The following GAB1 variants were observed in gnomAD, a reference collection of about 807,000 sequenced individuals.
GAB1 encodes the protein GRB2 associated binding protein 1, also known as GRB2-associated-binding protein 1.
GAB1 carries 19 observed loss-of-function variants against 66.5 expected under a neutral mutation model. The observed-to-expected ratio is 0.29, with a 90% CI of 0.20 to 0.42. The LOEUF (loss-of-function observed/expected upper bound fraction) is 0.42, where lower values mean the gene tolerates loss of function less well. Ranked by LOEUF, GAB1 falls within the 10% of genes least tolerant of loss-of-function variation. The pLI, the probability that GAB1 is intolerant of heterozygous loss-of-function variation, is 1.00. For missense variants in GAB1, 732 were observed against 858.5 expected (o/e 0.85, Z 1.84); for synonymous variants, 294 against 301.4 (o/e 0.98, Z 0.25).
intron 1 of GAB1, among the ~76,000 whole-genome samples, chr4:143,387,133 GT>G (rs1461496614): frequency 6.7e-6 from 1 of 149,938 alleles, no homozygotes; most frequent in African/African-American, 2.5e-5. Context: ...TGTTGTTGTT[GT>G]TTGTTTGTTT....
chr4:143,432,526 T>C (rs1278733958), intron 2 of GAB1, among the ~76,000 whole-genome samples: 2 of 152,182 alleles, frequency 1.3e-5, no homozygotes, highest in African/African-American at 4.8e-5. Flanking sequence ...TTCTAACAGA[T>C]TGAATACAAG....
At chr4:143,363,899 GA>G (rs1560719895) in intron 1 of GAB1, among the ~76,000 whole-genome samples, 2 of 152,026 alleles carry the variant, frequency 1.3e-5, no homozygotes, top group Non-Finnish European at 2.9e-5. Context: ...ATCATCCCTC[GA>G]GAATGACTTA....
At chr4:143,448,463 T>A (rs1289652427) in intron 6 of GAB1, among the ~76,000 whole-genome samples, 3 of 151,932 alleles carry the variant, frequency 2.0e-5, no homozygotes, top group Non-Finnish European at 4.4e-5. Flanking sequence ...TTGCCACAAT[T>A]TCAGATTCTG....
intron 1 of GAB1, among the ~76,000 whole-genome samples, chr4:143,377,959 G>A (rs1488597444): frequency 2.0e-5 from 3 of 152,262 alleles, no homozygotes; most frequent in East Asian, 1.9e-4. Flanking sequence ...GGAACAGAAC[G>A]TCCCATAGAA....
chr4:143,355,557 C>G (rs1729412415), intron 1 of GAB1, among the ~76,000 whole-genome samples: 1 of 152,180 alleles, frequency 6.6e-6, no homozygotes, highest in African/African-American at 2.4e-5. Context: ...ACCGTTCAAT[C>G]TCAGTAGCAT....
chr4:143,386,723 G>A (rs1232471403), intron 1 of GAB1, among the ~76,000 whole-genome samples: 1 of 152,238 alleles, frequency 6.6e-6, no homozygotes, highest in East Asian at 1.9e-4. Flanking sequence ...TTTTGTATAT[G>A]AAACAAATTT....
chr4:143,444,782 G>A (rs565572143), intron 6 of GAB1, among the ~76,000 whole-genome samples: 5 of 152,050 alleles, frequency 3.3e-5, no homozygotes, highest in South Asian at 4.2e-4. Context: ...CCCCTCTCTG[G>A]TAGTACCCAG....
chr4:143,374,441 A>C (rs2149670421), intron 1 of GAB1, among the ~76,000 whole-genome samples: 1 of 152,346 alleles, frequency 6.6e-6, no homozygotes, highest in Admixed American at 6.5e-5. Context: ...CATCTGGTGC[A>C]CACTATTGTG....
At chr4:143,446,691 T>C (rs528045068) in intron 6 of GAB1, among the ~76,000 whole-genome samples, 2 of 152,214 alleles carry the variant, frequency 1.3e-5, no homozygotes, top group African/African-American at 4.8e-5. Flanking sequence ...ATTCTGGATA[T>C]TAGCCCTTTG....
At chr4:143,394,721 CTT>C (rs1411596267) in intron 1 of GAB1, 4 of 151,944 alleles carry the variant, frequency 2.6e-5, no homozygotes, top group Non-Finnish European at 4.4e-5. Context: ...AAAGGACAAA[CTT>C]AATTATTTAC....
chr4:143,379,147 A>G (rs752457502), intron 1 of GAB1, among the ~76,000 whole-genome samples: 9 of 152,200 alleles, frequency 5.9e-5, no homozygotes, highest in Non-Finnish European at 1.2e-4. Flanking sequence ...TCAGAGTTAT[A>G]TATGTAACAG....
chr4:143,455,960 T>A (rs1380674089), intron 6 of GAB1, among the ~76,000 whole-genome samples: 1 of 152,152 alleles, frequency 6.6e-6, no homozygotes, highest in Admixed American at 6.5e-5. Flanking sequence ...CTAGAGGAAG[T>A]CTCAACTCTG....
At chr4:143,432,732 C>T (rs1163054190) in intron 2 of GAB1, among the ~76,000 whole-genome samples, 1 of 152,134 alleles carries the variant, frequency 6.6e-6, no homozygotes, top group Non-Finnish European at 1.5e-5. Flanking sequence ...GTGACTACAG[C>T]GGGATTTTAT....
chr4:143,403,293 A>G (rs919610681), intron 1 of GAB1, among the ~76,000 whole-genome samples: 5 of 152,172 alleles, frequency 3.3e-5, no homozygotes, highest in African/African-American at 1.2e-4. Flanking sequence ...CCTTGTCCTC[A>G]AGCATTAAAT....
intron 1 of GAB1, among the ~76,000 whole-genome samples, chr4:143,348,458 T>C (rs1729058637): frequency 6.6e-6 from 1 of 152,226 alleles, no homozygotes; most frequent in Non-Finnish European, 1.5e-5. Flanking sequence ...TCTCTCTCTC[T>C]CATTCTCCAC....
chr4:143,380,623 G>A (rs567368578), intron 1 of GAB1: 3 of 152,262 alleles, frequency 2.0e-5, no homozygotes, highest in Admixed American at 2.0e-4. Context: ...GTCTCACTGT[G>A]TTGCCCAGAT....
chr4:143,337,224 C>A lies in GAB1; in HGVS notation c.36C>A (p.Leu12=). 1 of 1,586,326 alleles carries A rather than the reference C, an allele frequency of 6.3e-7. No individual in the cohort carries two copies. Among genetic ancestry groups the A allele is most frequent in the East Asian group, 2.3e-5 (1 of 44,058 alleles). The change falls in exon 1 of 10, where the codon CTC becomes CTA. Residue 12 remains leucine, a synonymous_variant. Coordinates refer to ENST00000262994, the MANE Select transcript of GAB1 (RefSeq NM_002039.4). ...GTGAAGTGGTCTGCTCCGGATGGCTCCGCAAGTCCCCCCCGGAGAAAAAGT... is the reference window on the plus strand; with the variant it reads ...GTGAAGTGGTCTGCTCCGGATGGCTACGCAAGTCCCCCCCGGAGAAAAAGT... ...SGGEVVCSGW[L]RKSPPEKKLK...
At chr4:143,397,829 G>A (rs916869415) in intron 1 of GAB1, among the ~76,000 whole-genome samples, 1 of 152,136 alleles carries the variant, frequency 6.6e-6, no homozygotes, top group Non-Finnish European at 1.5e-5. Flanking sequence ...GACTTTTCTT[G>A]CCTTTCTAAT....
intron 1 of GAB1, among the ~76,000 whole-genome samples, chr4:143,359,807 C>G (rs116394247): frequency 0.04 from 6,162 of 152,170 alleles, 199 homozygotes; most frequent in Admixed American, 0.091. Flanking sequence ...TTTGTTAACC[C>G]CTAAAGTGAT....
Sources: gnomAD v4.1 joint callset for allele counts (sites outside exome capture counted in the v4.1 genomes callset) on GRCh38, gnomAD v4.1.1 for gene constraint, MANE v1.5 for transcripts, NCBI Gene and HGNC (gene_info 2026-07-23, HGNC 2026-07-21) for gene names.